FILIP1L: variants seen among roughly 807,000 people sequenced by gnomAD.
FILIP1L encodes filamin A-interacting protein 1-like.
A neutral mutation model predicts 96.6 loss-of-function variants in FILIP1L; 55 were observed. The ratio of observed to expected loss-of-function variants is 0.57; its 90% confidence interval spans 0.46 to 0.71. The LOEUF (loss-of-function observed/expected upper bound fraction) is 0.71. Among genes scored for constraint, FILIP1L ranks in the 30% least tolerant of loss-of-function variants. FILIP1L has a pLI of 0.00. For missense variants in FILIP1L, 1,304 were observed against 1,321.2 expected (o/e 0.99, Z 0.20); for synonymous variants, 467 against 473.9 (o/e 0.99, Z 0.19).
intron 1 of FILIP1L, among the ~76,000 whole-genome samples, chr3:100,048,491 CTCAG>C (rs2107310752): frequency 6.6e-6 from 1 of 152,282 alleles, no homozygotes; most frequent in South Asian, 2.1e-4. Flanking sequence ...CTCACTCCAT[CTCAG>C]TCAGAGCCCA....
At chr3:100,088,815 A>G (rs1377691344) in intron 1 of FILIP1L, among the ~76,000 whole-genome samples, 1 of 152,082 alleles carries the variant, frequency 6.6e-6, no homozygotes, top group Non-Finnish European at 1.5e-5. Context: ...AATTCACTAC[A>G]ATATGAAACC....
At chr3:99,866,661 G>T (rs1944537583) in intron 4 of FILIP1L, among the ~76,000 whole-genome samples, 1 of 152,158 alleles carries the variant, frequency 6.6e-6, no homozygotes, top group African/African-American at 2.4e-5. Context: ...TGTGTGGCTT[G>T]GCTTCCTGCT....
intron 4 of FILIP1L, among the ~76,000 whole-genome samples, chr3:99,884,074 G>C (rs558424125): frequency 6.6e-6 from 1 of 152,252 alleles, no homozygotes; most frequent in South Asian, 2.1e-4. Context: ...AGTGAGAATG[G>C]ATCTTGGAGA....
intron 3 of FILIP1L, among the ~76,000 whole-genome samples, chr3:99,926,105 A>G (rs1196618751): frequency 6.6e-6 from 1 of 152,220 alleles, no homozygotes; most frequent in Non-Finnish European, 1.5e-5. Context: ...CTCATTGTGA[A>G]TTTAAAGCCA....
intron 1 of FILIP1L, among the ~76,000 whole-genome samples, chr3:100,059,932 C>T (rs2065531314): frequency 6.6e-6 from 1 of 151,962 alleles, no homozygotes; most frequent in Non-Finnish European, 1.5e-5. Context: ...CTGGGGAGTT[C>T]TGGCCTCGTT....
At chr3:99,909,376 A>G (rs1033001042) in intron 4 of FILIP1L, among the ~76,000 whole-genome samples, 1 of 152,194 alleles carries the variant, frequency 6.6e-6, no homozygotes, top group Non-Finnish European at 1.5e-5. Context: ...ATATCCATGT[A>G]GGAATGATGT....
rs1238418209 is a variant in FILIP1L, at chr3:99,983,460, GTGTGTATATATATATATATATATATA to G, written c.-10-52456_-10-52431del. ...TATATATGTATGTATATATATATATGTGTGTATATATATATATATATATATATATATATATATATATATATATATGT... is the reference window on the plus strand; with the variant it reads ...TATATATGTATGTATATATATATATGTATATATATATATATATATATATGT... On this transcript the variant is annotated intron_variant, in intron 1 of 5. Transcript: ENST00000477258. 2.1e-3 allele frequency among the ~76,000 whole-genome samples: 147 copies of G among 69,474 alleles called. 4 individuals are homozygous for G. The East Asian group carries it at 0.023, about 11-fold the overall frequency. The allele number at this position is 69,474 out of a possible 152,430, so 45.6% of individuals were successfully genotyped here.
chr3:99,849,404 T>G lies in FILIP1L; in HGVS notation c.2272A>C (p.Arg758=), dbSNP rs774702238. Reference sequence around the variant, plus strand: ...TTTTCAATCTCTCTTCCTAAATCTCTGTTCCTGTTTTCTTGTTGATTTAGT... The same window carrying G: ...TTTTCAATCTCTCTTCCTAAATCTCGGTTCCTGTTTTCTTGTTGATTTAGT... ...KKLNQQENRN[R]DLGREIENLT... is the part of the protein sequence containing the mutation. Residue 758 remains arginine (R), a synonymous_variant, in exon 5 of 6, where the codon AGA becomes CGA. Transcript: ENST00000477258. 1.2e-6 allele frequency: 2 copies of G among 1,614,094 alleles called. No individual in the cohort carries two copies. Among genetic ancestry groups the G allele is most frequent in the Admixed American group, 3.3e-5 (2 of 60,012 alleles).
At chr3:99,931,836 G>C (rs1396810681) in intron 1 of FILIP1L, among the ~76,000 whole-genome samples, 12 of 152,108 alleles carry the variant, frequency 7.9e-5, no homozygotes, top group Admixed American at 7.9e-4. Context: ...ATTTATAATA[G>C]GAAGAAAAAT....
intron 4 of FILIP1L, among the ~76,000 whole-genome samples, chr3:99,866,306 C>T (rs1294929799): frequency 1.3e-5 from 2 of 152,134 alleles, no homozygotes; most frequent in Admixed American, 6.5e-5. Context: ...GTTTTCACCT[C>T]CTTGTAGTCT....
chr3:100,057,388 G>A (rs1176832812), intron 1 of FILIP1L, among the ~76,000 whole-genome samples: 1 of 152,124 alleles, frequency 6.6e-6, no homozygotes, highest in Non-Finnish European at 1.5e-5. Context: ...TATCATCAAG[G>A]AAAAAGGCCA....
intron 1 of FILIP1L, among the ~76,000 whole-genome samples, chr3:99,958,720 C>T (rs930516158): frequency 6.6e-6 from 1 of 152,146 alleles, no homozygotes; most frequent in Non-Finnish European, 1.5e-5. Flanking sequence ...CAGCAGGGCT[C>T]CTTCAGGGAA....
chr3:99,896,323 C>T (rs1298577680), intron 4 of FILIP1L, among the ~76,000 whole-genome samples: 1 of 152,172 alleles, frequency 6.6e-6, no homozygotes, highest in African/African-American at 2.4e-5. Flanking sequence ...AAATTTGTTG[C>T]CCTAATGTTA....
rs75570006 is a variant in FILIP1L, at chr3:99,879,362, A to G, written c.606-28292T>C. ...AGCTAATTGTCAGGAGGCCATGACA[A>G]TGACCACATTAACAGGTGTTATTAG... On this transcript the variant is annotated intron_variant, in intron 4 of 5. Coordinates refer to ENST00000477258, the MANE Select transcript of FILIP1L (RefSeq NM_001387850.1). Among the ~76,000 whole-genome samples the G allele has an allele frequency of 2.8e-4, 42 of 152,362 alleles. No homozygotes were observed. In the East Asian group the frequency reaches 7.9e-3, roughly 29 times the overall value.
chr3:99,888,322 T>C (rs1705974167), intron 4 of FILIP1L, among the ~76,000 whole-genome samples: 1 of 151,754 alleles, frequency 6.6e-6, no homozygotes, highest in African/African-American at 2.4e-5. Flanking sequence ...GCCATGATCA[T>C]GCCACTGCAC....
At position 99,848,751 on chromosome 3, in the gene FILIP1L, T is replaced by C; in HGVS notation, c.2925A>G (p.Pro975=). The C allele has an allele frequency of 6.2e-7, 1 of 1,614,128 alleles. No individual in the cohort carries two copies. Among genetic ancestry groups the C allele is most frequent in the Non-Finnish European group, 8.5e-7 (1 of 1,179,994 alleles). Reference sequence around the variant, plus strand: ...CTCTGGCAAAGGTTGCCATGGTAATTGGGGACATGCCTTGTTCTAAATTCA... The same window carrying C: ...CTCTGGCAAAGGTTGCCATGGTAATCGGGGACATGCCTTGTTCTAAATTCA... ...DLMNLEQGMS[P]ITMATFARAQ... is the part of the protein sequence containing the mutation. Residue 975 remains proline, a synonymous_variant, in exon 5 of 6, where the codon CCA becomes CCG. Transcript: ENST00000477258.
chr3:99,951,648 A>C (rs565767803), intron 1 of FILIP1L, among the ~76,000 whole-genome samples: 1 of 152,126 alleles, frequency 6.6e-6, no homozygotes, highest in African/African-American at 2.4e-5. Context: ...CCACATATAC[A>C]CAGTCCCCAC....
intron 1 of FILIP1L, among the ~76,000 whole-genome samples, chr3:100,074,226 C>G (rs761147737): frequency 4.6e-5 from 7 of 152,238 alleles, no homozygotes; most frequent in Non-Finnish European, 8.8e-5. Flanking sequence ...GACAGCCCCC[C>G]TGGGCCTCCA....
chr3:99,885,156 A>G (rs1705852798), intron 4 of FILIP1L, among the ~76,000 whole-genome samples: 1 of 152,210 alleles, frequency 6.6e-6, no homozygotes, highest in Admixed American at 6.5e-5. Context: ...TCTAATGGAA[A>G]CTGTTCCAGC....
Sources: allele counts gnomAD v4.1 joint callset (sites outside exome capture counted in the v4.1 genomes callset), GRCh38; gene constraint gnomAD v4.1.1; transcripts MANE v1.5; gene names NCBI Gene and HGNC (gene_info 2026-07-23, HGNC 2026-07-21).